Variants in KCNN3 observed in about 807,000 individuals in gnomAD.
KCNN3 encodes potassium calcium-activated channel subfamily N member 3.
A neutral mutation model predicts 62.9 loss-of-function variants in KCNN3; 16 were observed. The ratio of observed to expected loss-of-function variants is 0.25; its 90% CI spans 0.17 to 0.39. The LOEUF is 0.39. Ranked by LOEUF, KCNN3 falls within the 10% of genes least tolerant of loss-of-function variation. KCNN3 has a pLI of 1.00. For missense variants in KCNN3, 599 were observed against 949.4 expected (o/e 0.63, Z 4.85); for synonymous variants, 370 against 389.2 (o/e 0.95, Z 0.58).
chr1:154,785,566 C>CT (rs1649242782), intron 2 of KCNN3, among the ~76,000 whole-genome samples: 2 of 95,056 alleles, frequency 2.1e-5, no homozygotes, highest in African/African-American at 3.7e-5. Flanking sequence ...AAGCACTTTT[C>CT]TTTTTCTTTT....
At chr1:154,849,471 G>C (rs1276692359) in intron 1 of KCNN3, among the ~76,000 whole-genome samples, 1 of 152,128 alleles carries the variant, frequency 6.6e-6, no homozygotes, top group African/African-American at 2.4e-5. Context: ...CTTCCCATCC[G>C]GGTTCCCACT....
intron 2 of KCNN3, among the ~76,000 whole-genome samples, chr1:154,775,688 T>G (rs1213683248): frequency 4.7e-5 from 7 of 149,536 alleles, no homozygotes; most frequent in Non-Finnish European, 7.4e-5. Context: ...CAGGAGACAG[T>G]ACCCAGCACA....
chr1:154,756,705 T>C (rs935713856), intron 3 of KCNN3, among the ~76,000 whole-genome samples: 3 of 152,164 alleles, frequency 2.0e-5, no homozygotes, highest in African/African-American at 7.2e-5. Context: ...TCCAATGCCA[T>C]AAATTTTTTT....
intron 3 of KCNN3, among the ~76,000 whole-genome samples, chr1:154,766,628 T>A (rs4845391): frequency 3.4e-5 from 5 of 147,528 alleles, no homozygotes; most frequent in African/African-American, 1.2e-4. Context: ...ATCAACCCCA[T>A]GTAGGGTGCT....
intron 2 of KCNN3, among the ~76,000 whole-genome samples, chr1:154,817,792 A>T (rs1350865994): frequency 6.6e-6 from 1 of 152,188 alleles, no homozygotes. Flanking sequence ...TTTCTCATCT[A>T]GAGAACTGGG....
At chr1:154,776,836 G>A in intron 2 of KCNN3, among the ~76,000 whole-genome samples, 1 of 152,166 alleles carries the variant, frequency 6.6e-6, no homozygotes, top group East Asian at 1.9e-4. Flanking sequence ...CCAGGCCCAG[G>A]CCCACCCCAG....
intron 3 of KCNN3, among the ~76,000 whole-genome samples, chr1:154,738,192 G>A (rs1199263088): frequency 6.6e-6 from 1 of 152,174 alleles, no homozygotes; most frequent in Non-Finnish European, 1.5e-5. Context: ...AACACCAGGG[G>A]AAAGGAGACA....
intron 3 of KCNN3, among the ~76,000 whole-genome samples, chr1:154,733,838 A>G (rs1036907292): frequency 3.9e-5 from 6 of 152,054 alleles, no homozygotes; most frequent in African/African-American, 1.4e-4. Flanking sequence ...TTCATCCCCA[A>G]CACCAAGACC....
chr1:154,754,474 C>T (rs959244284), intron 3 of KCNN3, among the ~76,000 whole-genome samples: 1 of 152,118 alleles, frequency 6.6e-6, no homozygotes, highest in Non-Finnish European at 1.5e-5. Flanking sequence ...GCAATGATTA[C>T]CAATAATAAA....
intron 2 of KCNN3, among the ~76,000 whole-genome samples, chr1:154,807,151 G>A (rs1650204817): frequency 6.6e-6 from 1 of 152,250 alleles, no homozygotes; most frequent in Middle Eastern, 3.4e-3. Flanking sequence ...AGATTTGAAA[G>A]ATGGGAAAGA....
At position 154,829,643 on chromosome 1, in the gene KCNN3, T is replaced by C. The variant is rs538627369; in HGVS notation, c.934-7459A>G. Among the ~76,000 whole-genome samples, 6 of 152,284 alleles carry C rather than the reference T, an allele frequency of 3.9e-5. No homozygotes were observed. The South Asian group carries it at 1.2e-3, about 32-fold the overall frequency. On this transcript the variant is annotated intron_variant, in intron 1 of 7. Transcript: ENST00000271915. The stretch of plus-strand genomic sequence containing the variant: ...ATGAGCCAGCTGACCCGCATCAGGA[T>C]GCGGGGTCTGACCTAGACCCGAGAG...
chr1:154,869,421 C>T lies in KCNN3; in HGVS notation c.544G>A (p.Gly182Ser). 2.5e-6 allele frequency: 4 copies of T among 1,614,000 alleles called. No homozygotes were observed. Among genetic ancestry groups the T allele is most frequent in the Non-Finnish European group, 3.4e-6 (4 of 1,179,950 alleles). The stretch of plus-strand genomic sequence containing the variant: ...CGGCTGAGGGGCTTCATGACCCCAC[C>T]GCTATACTTGCAGGAGCTCATGGCG... ...EIAMSSCKYS[G>S]GVMKPLSRLS... The change falls in exon 1 of 8, where the codon GGT becomes AGT. Residue 182 changes from glycine to serine, a missense_variant. Gly to Ser is a moderately conservative substitution (Grantham distance 56). This residue lies in a region of KCNN3 where 112 missense variants were observed against 142.9 expected (regional missense o/e 0.78). Coordinates refer to ENST00000271915, the MANE Select transcript of KCNN3 (RefSeq NM_002249.6). The surrounding 1 kb of genome is among the most constrained non-coding windows in gnomAD (Gnocchi z 6.1).
At chr1:154,722,851 C>T (rs1700385589) in intron 5 of KCNN3, among the ~76,000 whole-genome samples, 1 of 152,074 alleles carries the variant, frequency 6.6e-6, no homozygotes, top group South Asian at 2.1e-4. Context: ...CCTGCCTCAG[C>T]CTCCTGAGTA....
At chr1:154,751,022 T>C (rs1647351662) in intron 3 of KCNN3, among the ~76,000 whole-genome samples, 1 of 152,154 alleles carries the variant, frequency 6.6e-6, no homozygotes, top group African/African-American at 2.4e-5. Context: ...GATAAGCAAA[T>C]GGAGGCCAGA....
intron 2 of KCNN3, among the ~76,000 whole-genome samples, chr1:154,792,485 TA>T (rs1649557009): frequency 6.6e-6 from 1 of 152,234 alleles, no homozygotes; most frequent in African/African-American, 2.4e-5. Context: ...CCCAGAAAAG[TA>T]ACAGCAAGCT....
intron 2 of KCNN3, 79 bp downstream of exon 2, chr1:154,822,010 T>C (rs897141256): frequency 9.7e-7 from 1 of 1,034,690 alleles, no homozygotes; most frequent in Non-Finnish European, 1.5e-6. Context: ...GAGTGGGTTT[T>C]GGGGGTGGGG....
At chr1:154,822,410 C>A (rs1464080911) in intron 1 of KCNN3, among the ~76,000 whole-genome samples, 1 of 152,314 alleles carries the variant, frequency 6.6e-6, no homozygotes, top group Non-Finnish European at 1.5e-5. Flanking sequence ...TCTGTTTTCT[C>A]GGGCTAAGTC....
At chr1:154,732,871 C>T (rs1413171005) in intron 4 of KCNN3, 132 bp downstream of exon 4, 1 of 859,558 alleles carries the variant, frequency 1.2e-6, no homozygotes, top group Non-Finnish European at 2.0e-6. Context: ...GTGTAGGGGA[C>T]ACACATGCAG....
chr1:154,773,378 T>C (rs1238331589), intron 2 of KCNN3, among the ~76,000 whole-genome samples: 1 of 152,170 alleles, frequency 6.6e-6, no homozygotes, highest in African/African-American at 2.4e-5. Flanking sequence ...AACCAGTAAA[T>C]GTGTTTCCCT....
Sources: gnomAD v4.1 joint callset for allele counts (sites outside exome capture counted in the v4.1 genomes callset) on GRCh38, gnomAD v4.1.1 for gene constraint, gnomAD v4.1.1 regional missense constraint, Gnocchi (gnomAD v3.1) non-coding constraint, MANE v1.5 for transcripts, NCBI Gene and HGNC (gene_info 2026-07-23, HGNC 2026-07-21) for gene names.